RAB11FIP4: variants seen among roughly 807,000 people sequenced by gnomAD.
RAB11FIP4 encodes RAB11 family interacting protein 4.
Under a neutral mutation model 74.3 loss-of-function variants are expected in RAB11FIP4, and 23 were observed. That is an observed-to-expected ratio of 0.31 (90% CI 0.22 to 0.44). The LOEUF is 0.44. Among genes scored for constraint, RAB11FIP4 ranks in the 20% least tolerant of loss-of-function variants. The pLI, the probability that RAB11FIP4 is intolerant of heterozygous loss-of-function variation, is 1.00. For missense variants in RAB11FIP4, 630 were observed against 863.9 expected (o/e 0.73, Z 3.39); for synonymous variants, 360 against 359.9 (o/e 1.00, Z 0.00).
At chr17:31,395,185 A>G (rs2070917330) in intron 1 of RAB11FIP4, among the ~76,000 whole-genome samples, 2 of 152,212 alleles carry the variant, frequency 1.3e-5, no homozygotes, top group African/African-American at 4.8e-5. Context: ...GTCATAAAGT[A>G]TGAAATAAAT....
chr17:31,494,788 T>G (rs2072082739), intron 3 of RAB11FIP4, among the ~76,000 whole-genome samples: 1 of 152,094 alleles, frequency 6.6e-6, no homozygotes, highest in South Asian at 2.1e-4. Flanking sequence ...GCTTCTGTGT[T>G]TTTAACAAAC....
intron 1 of RAB11FIP4, among the ~76,000 whole-genome samples, chr17:31,418,201 A>C (rs1035850593): frequency 6.6e-6 from 1 of 152,176 alleles, no homozygotes; most frequent in Non-Finnish European, 1.5e-5. Context: ...CAGCCTGGCC[A>C]ACATGGTGAA....
chr17:31,446,663 T>C (rs2071467585), intron 3 of RAB11FIP4, among the ~76,000 whole-genome samples: 1 of 151,856 alleles, frequency 6.6e-6, no homozygotes, highest in Non-Finnish European at 1.5e-5. Context: ...CCCACGTCTT[T>C]GGGGGGATTA....
intron 3 of RAB11FIP4, among the ~76,000 whole-genome samples, chr17:31,438,376 G>A (rs1191583420): frequency 6.6e-6 from 1 of 152,030 alleles, no homozygotes; most frequent in Non-Finnish European, 1.5e-5. Flanking sequence ...AATGGAGAGG[G>A]CATCCAGCCA....
chr17:31,517,599 G>A (rs1180007212), intron 3 of RAB11FIP4, 52 bp from the exon 4 acceptor site: 1 of 1,518,950 alleles, frequency 6.6e-7, no homozygotes, highest in South Asian at 1.2e-5. Flanking sequence ...TTGGAACACT[G>A]AGCCCTGGGA....
chr17:31,530,379 C>T lies in RAB11FIP4; in HGVS notation c.1707C>T (p.Ser569=), dbSNP rs200027203. 6.3e-5 allele frequency: 101 copies of T among 1,614,120 alleles called. 1 individual carries two copies. In the Middle Eastern group the frequency reaches 8.2e-4, roughly 13 times the overall value. ...QNDDLNGQIL[S]LSLYEAKNLF... ...ACGACTTGAATGGGCAGATTTTGAG[C>T]CTCAGCCTCTACGAAGCAAAAAACC... Residue 569 remains serine (S), a synonymous_variant, in exon 14 of 15, where the codon AGC becomes AGT. Coordinates refer to ENST00000621161, the MANE Select transcript of RAB11FIP4 (RefSeq NM_032932.6).
At chr17:31,514,645 C>T (rs1198550470) in intron 3 of RAB11FIP4, among the ~76,000 whole-genome samples, 1 of 152,244 alleles carries the variant, frequency 6.6e-6, no homozygotes, top group African/African-American at 2.4e-5. Flanking sequence ...CAAGGGGGAA[C>T]TCTCGCTACC....
chr17:31,468,544 T>C (rs1017068489), intron 3 of RAB11FIP4, among the ~76,000 whole-genome samples: 4 of 152,114 alleles, frequency 2.6e-5, no homozygotes, highest in African/African-American at 9.7e-5. Flanking sequence ...AGGTAAAGAA[T>C]TTCTGGCTGG....
intron 2 of RAB11FIP4, 42 bp downstream of exon 2, chr17:31,431,942 C>A: frequency 1.4e-6 from 2 of 1,440,798 alleles, no homozygotes; most frequent in Non-Finnish European, 1.9e-6. Context: ...CTCTCCGGTC[C>A]TGCCCAGCTG....
At chr17:31,394,806 G>A (rs1186327402) in intron 1 of RAB11FIP4, among the ~76,000 whole-genome samples, 1 of 152,048 alleles carries the variant, frequency 6.6e-6, no homozygotes, top group African/African-American at 2.4e-5. Flanking sequence ...ACTTGTAGGG[G>A]TGGTTTTCGG....
chr17:31,459,688 T>G (rs966116784), intron 3 of RAB11FIP4, among the ~76,000 whole-genome samples: 1 of 152,182 alleles, frequency 6.6e-6, no homozygotes. Flanking sequence ...TCCCTGTTTC[T>G]TGCAGCACTG....
chr17:31,472,148 GC>G (rs2071743384), intron 3 of RAB11FIP4, among the ~76,000 whole-genome samples: 1 of 129,996 alleles, frequency 7.7e-6, no homozygotes, highest in Admixed American at 8.0e-5. Flanking sequence ...GGCAAAAAGA[GC>G]AAAAGTCTGT....
chr17:31,518,886 G>T (rs958200201), intron 4 of RAB11FIP4, among the ~76,000 whole-genome samples: 10 of 152,050 alleles, frequency 6.6e-5, no homozygotes, highest in African/African-American at 9.7e-5. Flanking sequence ...AGGCTGGAGT[G>T]CAGTGGCATG....
intron 3 of RAB11FIP4, among the ~76,000 whole-genome samples, chr17:31,464,537 C>T (rs1393512100): frequency 6.6e-6 from 1 of 151,992 alleles, no homozygotes; most frequent in African/African-American, 2.4e-5. Context: ...CTGCAACCTC[C>T]ACCTCCCAGG....
At chr17:31,442,303 G>A (rs1258345382) in intron 3 of RAB11FIP4, among the ~76,000 whole-genome samples, 1 of 152,130 alleles carries the variant, frequency 6.6e-6, no homozygotes, top group African/African-American at 2.4e-5. Context: ...CCAGCCAGGT[G>A]TATATATATA....
chr17:31,480,326 G>T (rs2071834147), intron 3 of RAB11FIP4, among the ~76,000 whole-genome samples: 1 of 152,128 alleles, frequency 6.6e-6, no homozygotes, highest in Non-Finnish European at 1.5e-5. Context: ...GGCCCTGAAG[G>T]AGGAGCTTAT....
chr17:31,496,214 A>G (rs1407983361), intron 3 of RAB11FIP4, among the ~76,000 whole-genome samples: 3 of 152,228 alleles, frequency 2.0e-5, no homozygotes, highest in Non-Finnish European at 4.4e-5. Flanking sequence ...TCAAGGGGAC[A>G]ACCTTGGATT....
At chr17:31,480,793 CAA>C (rs36097331) in intron 3 of RAB11FIP4, among the ~76,000 whole-genome samples, 3,642 of 73,936 alleles carry the variant, frequency 0.049, 141 homozygotes, top group African/African-American at 0.15. Context: ...GACTCCGTCT[CAA>C]AAAAAAAAAA....
Position 31,513,728 on chromosome 17 carries a change from G to A in RAB11FIP4, c.337-3923G>A, listed in dbSNP as rs547936076. The stretch of plus-strand genomic sequence containing the variant: ...TTCCGATTGCCTTGGACAAACAACT[G>A]TGGGTTGAATGAAAAAGTATTAATG... On this transcript the variant is annotated intron_variant, in intron 3 of 14. Coordinates refer to ENST00000621161, the MANE Select transcript of RAB11FIP4 (RefSeq NM_032932.6). Among the ~76,000 whole-genome samples the A allele has an allele frequency of 4.6e-5, 7 of 152,372 alleles. No homozygotes were observed. In the South Asian group the frequency reaches 1.2e-3, roughly 27 times the overall value.
Sources: allele counts gnomAD v4.1 joint callset (sites outside exome capture counted in the v4.1 genomes callset), GRCh38; gene constraint gnomAD v4.1.1; transcripts MANE v1.5; gene names NCBI Gene and HGNC (gene_info 2026-07-23, HGNC 2026-07-21).